The following PPP1R14C variants were observed in gnomAD, a reference collection of about 807,000 sequenced individuals.
The protein encoded by PPP1R14C is protein phosphatase 1 regulatory inhibitor subunit 14C, also known as protein phosphatase 1 regulatory subunit 14C.
A neutral mutation model predicts 20.4 loss-of-function variants in PPP1R14C; 16 were observed. That is an observed-to-expected ratio of 0.78 (90% confidence interval 0.53 to 1.19). The LOEUF is 1.19. PPP1R14C is among the 50% of genes most tolerant of loss of function. The pLI is 0.00. For synonymous variants in PPP1R14C, 91 were observed against 91.0 expected, an observed-to-expected ratio of 1.00 and a Z score of 0.00; for missense variants, 211 against 220.1, an observed-to-expected ratio of 0.96 and a Z score of 0.26.
chr6:150,209,210 A>G lies in PPP1R14C; in HGVS notation c.307-5534A>G, dbSNP rs138834459. On this transcript the variant is annotated intron_variant, in intron 1 of 3. Coordinates refer to ENST00000361131, the MANE Select transcript of PPP1R14C (RefSeq NM_030949.3). ...TGGAGACGGATGAGAGCTGTTAGCC[A>G]CAGTCATTTCCAGGAAGCTGCCAAG... Among the ~76,000 whole-genome samples, 423 of 152,320 alleles carry G rather than the reference A, an allele frequency of 2.8e-3. 2 individuals are homozygous for G. Among genetic ancestry groups the G allele is most frequent in the African/African-American group, 9.7e-3 (405 of 41,574 alleles).
chr6:150,153,376 G>C (rs956838588), intron 1 of PPP1R14C, among the ~76,000 whole-genome samples: 3 of 152,242 alleles, frequency 2.0e-5, no homozygotes, highest in Non-Finnish European at 2.9e-5. Flanking sequence ...CTAAAAGGAA[G>C]TTGTGGCGTA....
intron 1 of PPP1R14C, among the ~76,000 whole-genome samples, chr6:150,191,887 C>A (rs942507053): frequency 1.3e-5 from 2 of 152,106 alleles, no homozygotes; most frequent in African/African-American, 4.8e-5. Flanking sequence ...TGGTTTCAGG[C>A]AATGGAGTGG....
rs373032441 is a variant in PPP1R14C, at chr6:150,205,310, TG to T, written c.307-9431del. On this transcript the variant is annotated intron_variant, in intron 1 of 3. Coordinates refer to ENST00000361131, the MANE Select transcript of PPP1R14C (RefSeq NM_030949.3). ...CTGAACTTCTGGGACCAACAGCCCC[TG>T]GGTACTTCTCTTACCACCTGGTCTG... 9.2e-5 allele frequency among the ~76,000 whole-genome samples: 14 copies of T among 152,242 alleles called. 1 individual carries two copies. The highest frequency in any genetic ancestry group is 3.1e-4 in the African/African-American group (13 of 41,550).
rs1233405153 is a variant in PPP1R14C at position 150,143,246 on chromosome 6, C to T, written c.54C>T (p.Gly18=). ...SETAGGASGG[G]ARVFFQSPRG... ...CGGCCGGCGGGGCCAGCGGCGGCGG[C>T]GCACGGGTTTTCTTCCAAAGCCCCC... is the stretch of plus-strand genomic sequence containing the variant. Residue 18 remains glycine, a synonymous_variant, in exon 1 of 4, where the codon GGC becomes GGT. Transcript: ENST00000361131. This position sits in a 1 kb window ranked among gnomAD's most constrained non-coding sequence, Gnocchi z 5.6. 4 of 1,410,568 alleles carry T rather than the reference C, an allele frequency of 2.8e-6. No homozygotes were observed. Among genetic ancestry groups the T allele is most frequent in the Non-Finnish European group, 3.7e-6 (4 of 1,094,856 alleles). 87.4% of individuals were successfully genotyped at this position (1,410,568 alleles called of 1,614,324 possible). A position where few individuals can be genotyped will look rare whatever the true frequency, so the allele number is the denominator to read the frequency against.
chr6:150,206,822 C>A (rs1777957343), intron 1 of PPP1R14C, among the ~76,000 whole-genome samples: 1 of 151,828 alleles, frequency 6.6e-6, no homozygotes, highest in Admixed American at 6.6e-5. Flanking sequence ...TCAATGGAGT[C>A]AGGTTCAGTC....
At chr6:150,197,942 C>T (rs561792307) in intron 1 of PPP1R14C, among the ~76,000 whole-genome samples, 2 of 106,494 alleles carry the variant, frequency 1.9e-5, no homozygotes, top group South Asian at 3.2e-4. Context: ...CCTGGATGCC[C>T]GGCTTTGTGT....
chr6:150,180,625 C>T (rs1002063158), intron 1 of PPP1R14C, among the ~76,000 whole-genome samples: 2 of 152,160 alleles, frequency 1.3e-5, no homozygotes, highest in African/African-American at 2.4e-5. Flanking sequence ...GTTGTCATAG[C>T]TGTTCTTGGA....
intron 1 of PPP1R14C, among the ~76,000 whole-genome samples, chr6:150,144,041 ACGCTTTC>A (rs1251911847): frequency 1.3e-5 from 2 of 152,168 alleles, no homozygotes; most frequent in Admixed American, 6.5e-5. Context: ...CTGAGATGGA[ACGCTTTC>A]CGCTTTCCAG....
intron 1 of PPP1R14C, among the ~76,000 whole-genome samples, chr6:150,168,981 A>G (rs761340712): frequency 1.1e-4 from 16 of 152,190 alleles, no homozygotes; most frequent in Non-Finnish European, 1.8e-4. Context: ...GGCTCAAGTC[A>G]TTGTCCTGCC....
chr6:150,203,423 G>A (rs1221499184), intron 1 of PPP1R14C, among the ~76,000 whole-genome samples: 1 of 152,184 alleles, frequency 6.6e-6, no homozygotes, highest in Non-Finnish European at 1.5e-5. Flanking sequence ...TACTCCAAGT[G>A]CAGTGTGTCT....
At chr6:150,194,351 T>G in intron 1 of PPP1R14C, 1 of 584,916 alleles carries the variant, frequency 1.7e-6, no homozygotes, top group South Asian at 7.5e-5. Context: ...TTATAAGGAT[T>G]TGGACACAGC....
In PPP1R14C at chr6:150,249,434, G is replaced by A. The variant is rs1253469186; in HGVS notation, c.*614G>A. ...TTATGCACCAAAGTGAAAGAATTCA[G>A]TGTATCCGTTATTTTAATGCACTAC... On this transcript the variant is annotated 3_prime_UTR_variant, in exon 4 of 4. Coordinates refer to ENST00000361131, the MANE Select transcript of PPP1R14C (RefSeq NM_030949.3). 2 of 398,658 alleles carry A rather than the reference G, an allele frequency of 5.0e-6. No homozygotes were observed. Among genetic ancestry groups the A allele is most frequent in the Non-Finnish European group, 8.8e-6 (2 of 226,062 alleles). 24.7% of individuals were successfully genotyped at this position (398,658 alleles called of 1,614,324 possible).
chr6:150,199,824 G>C (rs994831928), intron 1 of PPP1R14C, among the ~76,000 whole-genome samples: 1 of 151,308 alleles, frequency 6.6e-6, no homozygotes, highest in South Asian at 2.1e-4. Context: ...AGCTATGATT[G>C]TGCCACTGTA....
chr6:150,234,684 A>G (rs1247476961), intron 3 of PPP1R14C, among the ~76,000 whole-genome samples: 1 of 151,870 alleles, frequency 6.6e-6, no homozygotes, highest in Non-Finnish European at 1.5e-5. Context: ...CCCTGTCTCT[A>G]CTAAAAATAC....
At chr6:150,192,556 C>G (rs72563906) in intron 1 of PPP1R14C, among the ~76,000 whole-genome samples, 1 of 152,142 alleles carries the variant, frequency 6.6e-6, no homozygotes, top group African/African-American at 2.4e-5. Context: ...AGGCCATGGA[C>G]CAGTACCACT....
chr6:150,146,172 A>T (rs1011599076), intron 1 of PPP1R14C, among the ~76,000 whole-genome samples: 2 of 152,196 alleles, frequency 1.3e-5, no homozygotes, highest in African/African-American at 4.8e-5. Context: ...TATAAAGAAG[A>T]TGTTCTTTTT....
intron 1 of PPP1R14C, among the ~76,000 whole-genome samples, chr6:150,196,972 C>G (rs1777812358): frequency 6.6e-6 from 1 of 152,158 alleles, no homozygotes; most frequent in Non-Finnish European, 1.5e-5. Flanking sequence ...CAGAAGATGC[C>G]AAGAACTTCC....
chr6:150,162,663 A>G (rs1777383156), intron 1 of PPP1R14C, among the ~76,000 whole-genome samples: 1 of 152,160 alleles, frequency 6.6e-6, no homozygotes, highest in Non-Finnish European at 1.5e-5. Context: ...GTGTGGGTGG[A>G]CTTTTGTTTG....
At chr6:150,199,303 A>C (rs1777848464) in intron 1 of PPP1R14C, among the ~76,000 whole-genome samples, 1 of 152,170 alleles carries the variant, frequency 6.6e-6, no homozygotes, top group African/African-American at 2.4e-5. Flanking sequence ...TCCAAAATTC[A>C]GGTGTTGAAA....
Sources: gnomAD v4.1 joint callset for allele counts (sites outside exome capture counted in the v4.1 genomes callset) on GRCh38, gnomAD v4.1.1 for gene constraint, Gnocchi (gnomAD v3.1) non-coding constraint, MANE v1.5 for transcripts, NCBI Gene and HGNC (gene_info 2026-07-23, HGNC 2026-07-21) for gene names.